Variants in COL16A1 observed in about 807,000 individuals in gnomAD.
COL16A1 encodes the protein collagen alpha-1(XVI) chain.
In COL16A1, 189 loss-of-function variants were observed where a neutral mutation model predicts 266.3. The ratio of observed to expected loss-of-function variants is 0.71; its 90% CI spans 0.63 to 0.80. COL16A1 has a LOEUF of 0.80. Ranked by LOEUF, COL16A1 falls within the 30% of genes least tolerant of loss-of-function variation. The pLI is 0.00. For missense variants in COL16A1, 1,928 were observed against 2,122.4 expected (o/e 0.91, Z 1.80); for synonymous variants, 740 against 782.3 (o/e 0.95, Z 0.90).
chr1:31,659,168 C>T (rs1393416155), intron 62 of COL16A1, among the ~76,000 whole-genome samples: 3 of 152,118 alleles, frequency 2.0e-5, no homozygotes, highest in Non-Finnish European at 4.4e-5. Context: ...CACACAGGAC[C>T]CTCCCTCCAA....
intron 4 of COL16A1, among the ~76,000 whole-genome samples, chr1:31,699,350 T>G (rs567431209): frequency 3.9e-5 from 6 of 151,950 alleles, no homozygotes; most frequent in African/African-American, 1.4e-4. Context: ...GAAAAAAAGA[T>G]GGAAAGGGTT....
rs115770970 is a variant in COL16A1 at position 31,689,327 on chromosome 1, A to G, written c.1621-242T>C. On this transcript the variant is annotated intron_variant, in intron 23 of 70. Transcript: ENST00000373672. ...AGTGGGAAGTTCCTGCATATACCCA[A>G]TCACCTTTTTGTCTGACAGCTCCCA... 7.2e-4 allele frequency: 458 copies of G among 638,224 alleles called. 2 individuals are homozygous for G. The highest frequency in any genetic ancestry group is 7.1e-3 in the African/African-American group (388 of 54,616). The allele number at this position is 638,224 out of a possible 1,614,324, so 39.5% of individuals were successfully genotyped here.
rs760092239 is a variant in COL16A1, at chr1:31,695,123, C to A, written c.981+63G>T. The A allele has an allele frequency of 1.5e-5, 23 of 1,577,376 alleles. 1 individual carries two copies. The highest frequency in any genetic ancestry group is 6.7e-5 in the South Asian group (6 of 89,042). On this transcript the variant is annotated intron_variant, in intron 11 of 70. Coordinates refer to ENST00000373672, the MANE Select transcript of COL16A1 (RefSeq NM_001856.4). Reference sequence around the variant, plus strand: ...CTCACCCAGGAGGCTGCCAAGCCAGCTCTAGGCAACGTCCACTCCCGGCTC... The same window carrying A: ...CTCACCCAGGAGGCTGCCAAGCCAGATCTAGGCAACGTCCACTCCCGGCTC...
At chr1:31,702,061 C>G in intron 2 of COL16A1, 60 bp downstream of exon 2, 1 of 1,611,794 alleles carries the variant, frequency 6.2e-7, no homozygotes, top group Non-Finnish European at 8.5e-7. Flanking sequence ...GCAAGGACCC[C>G]AGCACCCCAG....
rs1232941401 is a variant in COL16A1 at position 31,682,927 on chromosome 1, G to T, written c.2538+7C>A. 1 of 1,614,014 alleles carries T rather than the reference G, an allele frequency of 6.2e-7. No homozygotes were observed. On this transcript the variant is annotated splice_region_variant and intron_variant, in intron 37 of 70. Transcript: ENST00000373672. The stretch of plus-strand genomic sequence containing the variant: ...CACCACCAGCATGGAGCACAGAGAA[G>T]ACTTACCGGAGGCCCAGAGACACTG...
rs375346214 is a variant in COL16A1, at chr1:31,696,078, C to T, written c.918+10G>A. On this transcript the variant is annotated intron_variant, in intron 9 of 70. Coordinates refer to ENST00000373672, the MANE Select transcript of COL16A1 (RefSeq NM_001856.4). ...GGCAGGTAGGCTCCTCCCCCCACCCCCACCTCTACCTTTGCTCCCCTTTCT... is the reference window on the plus strand; with the variant it reads ...GGCAGGTAGGCTCCTCCCCCCACCCTCACCTCTACCTTTGCTCCCCTTTCT... 39 of 1,599,662 alleles carry T rather than the reference C, an allele frequency of 2.4e-5. No homozygotes were observed. The Middle Eastern group carries it at 5.0e-4, about 20-fold the overall frequency.
At position 31,691,462 on chromosome 1, in the gene COL16A1, G is replaced by A; in HGVS notation, c.1353C>T (p.Pro451=). 6.2e-7 allele frequency: 1 copy of A among 1,613,224 alleles called. No individual in the cohort carries two copies. The highest frequency in any genetic ancestry group is 8.5e-7 in the Non-Finnish European group (1 of 1,179,506). Residue 451 remains proline, a synonymous_variant, in exon 19 of 71, where the codon CCC becomes CCT. Transcript: ENST00000373672. ...TCCCAGGGGGTCCAGGGAGGCCGGG[G>A]GGCCCAGGCTCTCCTGCCAGCCCCT... is the stretch of plus-strand genomic sequence containing the variant. ...GPEGLAGEPG[P]PGLPGPPGIG... is the part of the protein sequence containing the mutation.
intron 9 of COL16A1, 98 bp from the exon 10 acceptor site, chr1:31,695,885 T>C (rs1644476215): frequency 1.7e-6 from 2 of 1,175,504 alleles, no homozygotes; most frequent in African/African-American, 3.0e-5. Context: ...GAGTGGGCAC[T>C]CTAGAGAGTG....
chr1:31,672,270 C>T (rs955981119), intron 47 of COL16A1, 146 bp downstream of exon 47: 1 of 836,952 alleles, frequency 1.2e-6, no homozygotes, highest in African/African-American at 1.7e-5. Context: ...TCCTGTGTAT[C>T]CCAGAGAAGC....
intron 11 of COL16A1, 44 bp downstream of exon 11, chr1:31,695,142 C>T (rs753578132): frequency 1.2e-6 from 2 of 1,609,980 alleles, no homozygotes; most frequent in South Asian, 1.1e-5. Flanking sequence ...ACGTCCACTC[C>T]CGGCTCTTGC....
Position 31,702,195 on chromosome 1 carries a change from C to T in COL16A1, c.-2G>A. On this transcript the variant is annotated 5_prime_UTR_variant, in exon 2 of 71. Coordinates refer to ENST00000373672, the MANE Select transcript of COL16A1 (RefSeq NM_001856.4). ...GCCAGGAGCCCAGGATACCCACATC[C>T]CGGTCCAAAGAGGTCAGCTACAGCC... The T allele has an allele frequency of 6.2e-7, 1 of 1,614,118 alleles. No homozygotes were observed. The highest frequency in any genetic ancestry group is 8.5e-7 in the Non-Finnish European group (1 of 1,180,004).
At chr1:31,702,522 T>C (rs756301269) in intron 1 of COL16A1, among the ~76,000 whole-genome samples, 1 of 152,206 alleles carries the variant, frequency 6.6e-6, no homozygotes, top group Non-Finnish European at 1.5e-5. Flanking sequence ...GCTGTGCCAG[T>C]GGATACTTGC....
rs751407410 is a variant in COL16A1, at chr1:31,688,994, C to G, written c.1657-23G>C. On this transcript the variant is annotated intron_variant, in intron 24 of 70. Transcript: ENST00000373672. The surrounding 1 kb of genome is among the most constrained non-coding windows in gnomAD (Gnocchi z 4.9). ...CCCCTGGGGAAAGAAGAGGAAGGATCAGAAATGCTTCCAGGTAGGCAGAGG... is the reference window on the plus strand; with the variant it reads ...CCCCTGGGGAAAGAAGAGGAAGGATGAGAAATGCTTCCAGGTAGGCAGAGG... 1 of 1,614,066 alleles carries G rather than the reference C, an allele frequency of 6.2e-7. No individual in the cohort carries two copies. Among genetic ancestry groups the G allele is most frequent in the Non-Finnish European group, 8.5e-7 (1 of 1,179,982 alleles).
chr1:31,695,144 G>A (rs1233172250), intron 11 of COL16A1, 42 bp downstream of exon 11: 26 of 1,610,436 alleles, frequency 1.6e-5, no homozygotes, highest in Admixed American at 3.3e-5. Flanking sequence ...GTCCACTCCC[G>A]GCTCTTGCCC....
Position 31,681,044 on chromosome 1 carries a change from C to A in COL16A1, c.2562G>T (p.Gln854His). 1 of 1,613,472 alleles carries A rather than the reference C, an allele frequency of 6.2e-7. No individual in the cohort carries two copies. Among genetic ancestry groups the A allele is most frequent in the Middle Eastern group, 1.7e-4 (1 of 6,038 alleles). ...GPPGRDGQQG[Q>H]TGLRGTPGEK... Reference sequence around the variant, plus strand: ...TCACTGGTGTTCCTCTGAGTCCCGTCTGTCCTTGCTGCCCATCACGGCCCT... The same window carrying A: ...TCACTGGTGTTCCTCTGAGTCCCGTATGTCCTTGCTGCCCATCACGGCCCT... The change falls in exon 38 of 71, where the codon CAG becomes CAT. Residue 854 changes from glutamine to histidine, a missense_variant. Transcript: ENST00000373672.
intron 27 of COL16A1, 27 bp downstream of exon 27, chr1:31,686,217 A>G: frequency 1.2e-6 from 2 of 1,614,146 alleles, no homozygotes; most frequent in South Asian, 2.2e-5. Context: ...TCCTCTCCCA[A>G]GCTGTTGCCA....
Position 31,667,577 on chromosome 1 carries a change from G to A in COL16A1, c.3355C>T (p.Pro1119Ser). ...AGCCCCACGCCGCTGGGACTCACCG[G>A]CTCTCCTTTCTCTCCCGCTGACCCG... ...YTGSAGEKGE[P>S]GPPGSEGLPG... The change falls in exon 52 of 71, where the codon CCG (proline) becomes TCG (serine). Residue 1119 changes from proline (P) to serine (S), a missense_variant and splice_region_variant. Pro to Ser is a moderately conservative substitution (Grantham distance 74). Around this residue, in one of 2 missense-constraint regions of COL16A1, gnomAD observed 1,552 missense variants for 1,637.2 expected, o/e 0.95. Coordinates refer to ENST00000373672, the MANE Select transcript of COL16A1 (RefSeq NM_001856.4). 5.0e-6 allele frequency: 8 copies of A among 1,596,890 alleles called. No homozygotes were observed. Among genetic ancestry groups the A allele is most frequent in the South Asian group, 1.1e-5 (1 of 88,096 alleles).
Position 31,685,838 on chromosome 1 carries a change from C to G in COL16A1, c.1885-68G>C. ...AGTGCACTTGAGCGAGGTTTGGAAT[C>G]TAGGGCTGGGGAATGTCACTGGGTC... On this transcript the variant is annotated intron_variant, in intron 28 of 70. Coordinates refer to ENST00000373672, the MANE Select transcript of COL16A1 (RefSeq NM_001856.4). The surrounding 1 kb of genome is among the most constrained non-coding windows in gnomAD (Gnocchi z 4.0). The G allele has an allele frequency of 6.3e-7, 1 of 1,594,660 alleles. No homozygotes were observed. Among genetic ancestry groups the G allele is most frequent in the South Asian group, 1.1e-5 (1 of 89,768 alleles).
chr1:31,672,949 C>T, intron 44 of COL16A1, 109 bp from the exon 45 acceptor site: 2 of 1,013,122 alleles, frequency 2.0e-6, no homozygotes, highest in Non-Finnish European at 3.0e-6. Flanking sequence ...GCCCTGCCGT[C>T]TTCCCTCCTC....
Sources: allele counts gnomAD v4.1 joint callset (sites outside exome capture counted in the v4.1 genomes callset), GRCh38; gene constraint gnomAD v4.1.1; regional missense constraint gnomAD v4.1.1; non-coding constraint Gnocchi (gnomAD v3.1); transcripts MANE v1.5; gene names NCBI Gene and HGNC (gene_info 2026-07-23, HGNC 2026-07-21).